DOCK11: variants seen among roughly 807,000 people sequenced by gnomAD.
DOCK11 encodes dedicator of cytokinesis protein 11.
Under a neutral mutation model 169.1 loss-of-function variants are expected in DOCK11, and 70 were observed. The observed-to-expected ratio is 0.41, with a 90% CI of 0.34 to 0.51. The LOEUF (loss-of-function observed/expected upper bound fraction) is 0.51. Ranked by LOEUF, DOCK11 falls within the 20% of genes least tolerant of loss-of-function variation. DOCK11 has a pLI of 0.10. For missense variants in DOCK11, 1,166 were observed against 1,538.8 expected (o/e 0.76, Z 4.05); for synonymous variants, 529 against 541.3 (o/e 0.98, Z 0.32).
intron 39 of DOCK11, among the ~76,000 whole-genome samples, chrX:118,642,220 C>T (rs1317268799): frequency 8.9e-6 from 1 of 111,918 alleles, no homozygotes; most frequent in Non-Finnish European, 1.9e-5. Flanking sequence ...TATTCTGATA[C>T]CTCTAATTTA....
At chrX:118,544,677 T>TTTG (rs1362943408) in intron 4 of DOCK11, among the ~76,000 whole-genome samples, 4 of 67,267 alleles carry the variant, frequency 5.9e-5, no homozygotes, top group Non-Finnish European at 1.1e-4. Flanking sequence ...TTTTTTTTTT[T>TTTG]GAGACAGAGT....
chrX:118,654,690 A>G lies in DOCK11; in HGVS notation c.4784A>G (p.Lys1595Arg), dbSNP rs1158737479. ...ACTGCCCAAATGAAGGAGCATGAGA[A>G]AGACCCTGAAATGCTAATTGATCTC... ...MATAQMKEHE[K>R]DPEMLIDLQY... The change falls in exon 43 of 53, where the codon AAA becomes AGA. Residue 1595 changes from lysine (K) to arginine (R), a missense_variant. Lys to Arg is a conservative substitution (Grantham distance 26). Coordinates refer to ENST00000276202, the MANE Select transcript of DOCK11 (RefSeq NM_144658.4). The G allele has an allele frequency of 2.5e-6, 3 of 1,210,035 alleles. No individual in the cohort carries two copies. In the Admixed American group the frequency reaches 6.6e-5, roughly 26 times the overall value.
intron 1 of DOCK11, among the ~76,000 whole-genome samples, chrX:118,539,009 A>C (rs2011862585): frequency 9.0e-6 from 1 of 111,584 alleles, no homozygotes; most frequent in South Asian, 3.7e-4. Context: ...TGCAGGGTTC[A>C]GTCCCTTCTC....
At chrX:118,508,209 GA>G (rs1010137003) in intron 1 of DOCK11, among the ~76,000 whole-genome samples, 1 of 111,516 alleles carries the variant, frequency 9.0e-6, no homozygotes, top group Non-Finnish European at 1.9e-5. Context: ...TAACTATATG[GA>G]AAAAAATATC....
chrX:118,583,179 C>A (rs1212955095), intron 14 of DOCK11, among the ~76,000 whole-genome samples: 1 of 111,251 alleles, frequency 9.0e-6, no homozygotes, highest in Non-Finnish European at 1.9e-5. Context: ...AACACAAAAA[C>A]AGAAAACCAA....
chrX:118,677,589 G>A (rs1026826621), intron 48 of DOCK11, among the ~76,000 whole-genome samples: 1 of 112,577 alleles, frequency 8.9e-6, no homozygotes, highest in Non-Finnish European at 1.9e-5. Flanking sequence ...CATTACCAGA[G>A]TGAAAAAGCC....
Position 118,649,094 on chromosome X carries a change from CA to C in DOCK11, c.4552del (p.Arg1518GlyfsTer5). On this transcript the variant is annotated frameshift_variant, in exon 41 of 53. Coordinates refer to ENST00000276202, the MANE Select transcript of DOCK11 (RefSeq NM_144658.4). LOFTEE classifies it high-confidence loss of function. ...LLMRNNFEYT[K>X]RKTFLRTHLQ... Reference sequence around the variant, plus strand: ...TGATGAGAAACAACTTTGAGTATACCAAAAGGAAAACCTTTTTGAGGACACA... The same window carrying C: ...TGATGAGAAACAACTTTGAGTATACCAAAGGAAAACCTTTTTGAGGACACA... 8.4e-7 allele frequency: 1 copy of C among 1,184,882 alleles called. No homozygotes were observed. Among genetic ancestry groups the C allele is most frequent in the Non-Finnish European group, 1.1e-6 (1 of 882,036 alleles).
chrX:118,639,517 G>A lies in DOCK11; in HGVS notation c.4084G>A (p.Val1362Ile). The change falls in exon 38 of 53, where the codon GTA (valine) becomes ATA (isoleucine). Residue 1362 changes from valine to isoleucine, a missense_variant. Transcript: ENST00000276202. ...TMPALRNRSG[V>I]MQARLQHLSS... ...GCCTGCTCTTCGAAACAGATCAGGA[G>A]TAATGCAGGCCCGGCTTCAGCATCT... 8.3e-7 allele frequency: 1 copy of A among 1,211,138 alleles called. No homozygotes were observed. Among genetic ancestry groups the A allele is most frequent in the East Asian group, 3.0e-5 (1 of 33,854 alleles).
chrX:118,557,755 C>T (rs1321501930), intron 6 of DOCK11, among the ~76,000 whole-genome samples: 1 of 55,622 alleles, frequency 1.8e-5, no homozygotes, highest in Non-Finnish European at 3.0e-5. Context: ...CAGAATGAGA[C>T]TCTGTCTCAA....
intron 45 of DOCK11, among the ~76,000 whole-genome samples, chrX:118,669,522 T>C (rs2016417199): frequency 2.7e-5 from 3 of 111,635 alleles, no homozygotes; most frequent in South Asian, 3.8e-4. Flanking sequence ...CCTTACGTGA[T>C]GGAAGGGGGT....
At chrX:118,652,550 T>C (rs139803588) in intron 42 of DOCK11, among the ~76,000 whole-genome samples, 21 of 111,750 alleles carry the variant, frequency 1.9e-4, no homozygotes, top group African/African-American at 6.8e-4. Context: ...TTTGATGGTT[T>C]TGTGAGTTTT....
At chrX:118,672,288 C>G (rs1016544933) in intron 46 of DOCK11, among the ~76,000 whole-genome samples, 1 of 112,369 alleles carries the variant, frequency 8.9e-6, no homozygotes, top group African/African-American at 3.2e-5. Flanking sequence ...CAATTGCCAC[C>G]AGCACTAAAC....
chrX:118,641,242 T>C lies in DOCK11; in HGVS notation c.4197T>C (p.Asn1399=). 1 of 1,210,904 alleles carries C rather than the reference T, an allele frequency of 8.3e-7. No homozygotes were observed. The highest frequency in any genetic ancestry group is 1.1e-6 in the Non-Finnish European group (1 of 894,522). Residue 1399 remains asparagine (N), a synonymous_variant, in exon 39 of 53, where the codon AAT becomes AAC. Transcript: ENST00000276202. The part of the protein sequence containing the change: ...DIFHQALLEG[N]TATEVSLTVL... ...TCCACCAGGCACTTCTTGAAGGCAA[T>C]ACAGCTACTGAAGTTTCCCTAACAG...
intron 20 of DOCK11, among the ~76,000 whole-genome samples, chrX:118,594,428 C>T (rs1249127760): frequency 8.9e-6 from 1 of 111,983 alleles, no homozygotes; most frequent in East Asian, 2.8e-4. Flanking sequence ...AAGGGAAATG[C>T]TTATTGGAAC....
At chrX:118,648,207 T>TAA (rs1569441331) in intron 40 of DOCK11, among the ~76,000 whole-genome samples, 25 of 53,735 alleles carry the variant, frequency 4.7e-4, no homozygotes, top group African/African-American at 2.1e-3. Context: ...ATATATAATA[T>TAA]TATAATATTA....
At chrX:118,511,498 G>T (rs1390579500) in intron 1 of DOCK11, among the ~76,000 whole-genome samples, 2 of 111,955 alleles carry the variant, frequency 1.8e-5, no homozygotes, top group Non-Finnish European at 3.8e-5. Context: ...TTAGAAAATG[G>T]TGTTCATTTT....
chrX:118,620,807 G>A (rs1318717690), intron 31 of DOCK11, among the ~76,000 whole-genome samples: 1 of 112,133 alleles, frequency 8.9e-6, no homozygotes, highest in Non-Finnish European at 1.9e-5. Context: ...CTTATGCCAC[G>A]TGGAGGAAAA....
chrX:118,645,521 C>G (rs769669877), intron 40 of DOCK11, among the ~76,000 whole-genome samples: 74 of 109,218 alleles, frequency 6.8e-4, no homozygotes, highest in African/African-American at 2.2e-3. Flanking sequence ...TGGCGAAACC[C>G]CATCTCTACT....
At chrX:118,588,591 A>G in intron 18 of DOCK11, 113 bp downstream of exon 18, 1 of 553,767 alleles carries the variant, frequency 1.8e-6, no homozygotes, top group Non-Finnish European at 2.8e-6. Context: ...AAAATGTTCT[A>G]AAGTGACAAA....
Sources: allele counts gnomAD v4.1 joint callset (sites outside exome capture counted in the v4.1 genomes callset), GRCh38; gene constraint gnomAD v4.1.1; transcripts MANE v1.5; gene names NCBI Gene and HGNC (gene_info 2026-07-23, HGNC 2026-07-21).